LHFPL3: variants seen among roughly 807,000 people sequenced by gnomAD.
LHFPL3 encodes LHFPL tetraspan subfamily member 3 protein.
In LHFPL3, 5 loss-of-function variants were observed where a neutral mutation model predicts 19.3. The observed-to-expected ratio is 0.26, with a 90% CI of 0.14 to 0.54. LHFPL3 has a LOEUF of 0.54. Ranked by LOEUF, LHFPL3 falls within the 20% of genes least tolerant of loss-of-function variation. The pLI is 0.94. For synonymous variants in LHFPL3, 133 were observed against 126.2 expected (o/e 1.05, Z -0.36); for missense variants, 249 against 307.4 (o/e 0.81, Z 1.42).
chr7:104,420,678 G>C (rs1266818580), intron 1 of LHFPL3, among the ~76,000 whole-genome samples: 1 of 149,852 alleles, frequency 6.7e-6, no homozygotes, highest in Non-Finnish European at 1.5e-5. Flanking sequence ...TCCTGCCTCA[G>C]CCTCCTGCGT....
At chr7:104,828,459 C>G (rs1211801373) in intron 2 of LHFPL3, among the ~76,000 whole-genome samples, 2 of 152,004 alleles carry the variant, frequency 1.3e-5, no homozygotes, top group African/African-American at 2.4e-5. Context: ...GCCCCTTCCT[C>G]TGGTCTCTTG....
intron 1 of LHFPL3, among the ~76,000 whole-genome samples, chr7:104,535,530 C>G (rs1450537799): frequency 6.6e-6 from 1 of 152,176 alleles, no homozygotes; most frequent in Admixed American, 6.5e-5. Flanking sequence ...TACACACCCT[C>G]CCCACCAAAT....
intron 1 of LHFPL3, among the ~76,000 whole-genome samples, chr7:104,512,800 G>T (rs1379717849): frequency 6.6e-6 from 1 of 152,122 alleles, no homozygotes; most frequent in African/African-American, 2.4e-5. Flanking sequence ...CAGCTAGCCA[G>T]CTGACCTGAG....
chr7:104,518,407 A>G (rs1019573540), intron 1 of LHFPL3, among the ~76,000 whole-genome samples: 17 of 152,320 alleles, frequency 1.1e-4, no homozygotes, highest in Middle Eastern at 3.4e-3. Flanking sequence ...GCAGAAATAG[A>G]AGAAGAAAAG....
rs144301172 is a variant in LHFPL3 at position 104,594,550 on chromosome 7, G to A, written c.446-142125G>A. Reference sequence around the variant, plus strand: ...TCTTCTGGAGGAGTATCTTTGTGGCGTTCTCTGTATTTCCTGAATTTGATT... The same window carrying A: ...TCTTCTGGAGGAGTATCTTTGTGGCATTCTCTGTATTTCCTGAATTTGATT... On this transcript the variant is annotated intron_variant, in intron 1 of 2. Transcript: ENST00000424859. Among the ~76,000 whole-genome samples, 848 of 152,102 alleles carry A rather than the reference G, an allele frequency of 5.6e-3. 18 individuals carry two copies. The highest frequency in any genetic ancestry group is 0.054 in the East Asian group (278 of 5,160).
intron 2 of LHFPL3, among the ~76,000 whole-genome samples, chr7:104,802,312 TG>T (rs1790267630): frequency 6.6e-6 from 1 of 151,760 alleles, no homozygotes; most frequent in Non-Finnish European, 1.5e-5. Flanking sequence ...CTGGGCAACA[TG>T]GTGAAACCCT....
At chr7:104,729,002 A>T (rs111328853) in intron 1 of LHFPL3, among the ~76,000 whole-genome samples, 1 of 152,222 alleles carries the variant, frequency 6.6e-6, no homozygotes, top group Non-Finnish European at 1.5e-5. Flanking sequence ...TTTCTTTTTT[A>T]ATTTTCAAAG....
intron 1 of LHFPL3, among the ~76,000 whole-genome samples, chr7:104,344,944 CT>C (rs1790035116): frequency 6.6e-6 from 1 of 151,990 alleles, no homozygotes; most frequent in African/African-American, 2.4e-5. Flanking sequence ...AAGTCTCTCT[CT>C]TTTTTTGTCT....
chr7:104,800,007 C>G (rs1463257989), intron 2 of LHFPL3: 1 of 152,596 alleles, frequency 6.6e-6, no homozygotes, highest in Non-Finnish European at 1.5e-5. Flanking sequence ...TCCAGGTGAT[C>G]TTTCTTTTTG....
intron 1 of LHFPL3, among the ~76,000 whole-genome samples, chr7:104,365,787 CAAA>C (rs571171040): frequency 2.0e-5 from 1 of 49,972 alleles, no homozygotes; most frequent in Non-Finnish European, 3.8e-5. Context: ...GACTCCGTCT[CAAA>C]AAAAAAAAAA....
chr7:104,541,753 C>G (rs948715124), intron 1 of LHFPL3, among the ~76,000 whole-genome samples: 3 of 152,128 alleles, frequency 2.0e-5, no homozygotes, highest in Non-Finnish European at 4.4e-5. Flanking sequence ...AATGAATAAA[C>G]TTGAATGATT....
intron 1 of LHFPL3, among the ~76,000 whole-genome samples, chr7:104,417,399 T>C (rs1791642421): frequency 6.6e-6 from 1 of 152,212 alleles, no homozygotes; most frequent in South Asian, 2.1e-4. Flanking sequence ...TTTAAAAGTT[T>C]CTTTGTAACT....
intron 1 of LHFPL3, among the ~76,000 whole-genome samples, chr7:104,693,959 G>A (rs1399082315): frequency 6.6e-6 from 1 of 152,106 alleles, no homozygotes; most frequent in Non-Finnish European, 1.5e-5. Context: ...AAGTTACTCA[G>A]TCTCGGGTAT....
At chr7:104,431,728 A>G (rs902365039) in intron 1 of LHFPL3, among the ~76,000 whole-genome samples, 5 of 152,190 alleles carry the variant, frequency 3.3e-5, no homozygotes, top group African/African-American at 1.2e-4. Flanking sequence ...TCCTTTCAGT[A>G]TTTTAAAAGA....
chr7:104,776,590 T>C (rs891809831), intron 2 of LHFPL3, among the ~76,000 whole-genome samples: 2 of 152,202 alleles, frequency 1.3e-5, no homozygotes, highest in African/African-American at 4.8e-5. Context: ...AGAATGTGCT[T>C]TTCTAACACA....
intron 2 of LHFPL3, among the ~76,000 whole-genome samples, chr7:104,781,249 C>T (rs1260301237): frequency 1.3e-5 from 2 of 152,168 alleles, no homozygotes; most frequent in Non-Finnish European, 2.9e-5. Context: ...TCAACAACTC[C>T]CCAACCAGTC....
intron 2 of LHFPL3, among the ~76,000 whole-genome samples, chr7:104,899,193 A>G (rs888926510): frequency 1.3e-5 from 2 of 152,046 alleles, no homozygotes; most frequent in Non-Finnish European, 2.9e-5. Context: ...TATAAGCATC[A>G]TTTCAATCTT....
At chr7:104,877,580 C>T (rs1791971375) in intron 2 of LHFPL3, among the ~76,000 whole-genome samples, 2 of 152,078 alleles carry the variant, frequency 1.3e-5, no homozygotes, top group South Asian at 2.1e-4. Flanking sequence ...ATATCACTTC[C>T]CATCCACTAG....
At chr7:104,770,880 T>C (rs1240746312) in intron 2 of LHFPL3, among the ~76,000 whole-genome samples, 1 of 152,196 alleles carries the variant, frequency 6.6e-6, no homozygotes, top group African/African-American at 2.4e-5. Flanking sequence ...CCTTGCAACT[T>C]GCATATTGTG....
Sources: gnomAD v4.1 joint callset for allele counts (sites outside exome capture counted in the v4.1 genomes callset) on GRCh38, gnomAD v4.1.1 for gene constraint, MANE v1.5 for transcripts, NCBI Gene and HGNC (gene_info 2026-07-23, HGNC 2026-07-21) for gene names.